INTS9: variants seen among roughly 807,000 people sequenced by gnomAD.
INTS9 encodes the protein protein related to CPSF subunits of 74 kDa.
Under a neutral mutation model 79.7 loss-of-function variants are expected in INTS9, and 55 were observed. That is an observed-to-expected ratio of 0.69 (90% CI 0.56 to 0.86). The LOEUF (loss-of-function observed/expected upper bound fraction) is 0.86, where lower values mean the gene tolerates loss of function less well. Among genes scored for constraint, INTS9 ranks in the 40% least tolerant of loss-of-function variants. The pLI is 0.00. For synonymous variants in INTS9, 319 were observed against 325.2 expected (o/e 0.98, Z 0.20); for missense variants, 721 against 831.5 (o/e 0.87, Z 1.64).
intron 2 of INTS9, among the ~76,000 whole-genome samples, chr8:28,853,566 C>A (rs2131269633): frequency 6.6e-6 from 1 of 151,972 alleles, no homozygotes; most frequent in Non-Finnish European, 1.5e-5. Flanking sequence ...AATTTTTAGT[C>A]AAAAAATGTA....
At chr8:28,788,763 A>G (rs1338525278) in intron 10 of INTS9, among the ~76,000 whole-genome samples, 1 of 152,248 alleles carries the variant, frequency 6.6e-6, no homozygotes, top group East Asian at 1.9e-4. Flanking sequence ...CAACTAGAGA[A>G]GAACAAAGGA....
intron 1 of INTS9, among the ~76,000 whole-genome samples, chr8:28,872,945 C>G (rs922318694): frequency 7.2e-5 from 11 of 151,886 alleles, no homozygotes; most frequent in African/African-American, 2.7e-4. Flanking sequence ...ACCATAATGA[C>G]TGATTATTTG....
At chr8:28,827,182 G>T (rs1481826098) in intron 6 of INTS9, among the ~76,000 whole-genome samples, 1 of 152,202 alleles carries the variant, frequency 6.6e-6, no homozygotes, top group East Asian at 1.9e-4. Context: ...ATTTATCAAA[G>T]TCAAGTTCTC....
At chr8:28,777,677 G>A (rs986034699) in intron 13 of INTS9, 152 bp downstream of exon 13, 9 of 750,398 alleles carry the variant, frequency 1.2e-5, no homozygotes, top group Non-Finnish European at 1.7e-5. Context: ...AGTGTGGAGG[G>A]GGGCTGGCAT....
At chr8:28,878,628 G>GTTT (rs796246272) in intron 1 of INTS9, among the ~76,000 whole-genome samples, 14 of 132,360 alleles carry the variant, frequency 1.1e-4, no homozygotes, top group African/African-American at 3.7e-4. Flanking sequence ...GGCCTTCACT[G>GTTT]TTTTTTTTTT....
intron 8 of INTS9, 103 bp downstream of exon 8, chr8:28,812,224 C>G: frequency 8.4e-7 from 1 of 1,189,708 alleles, no homozygotes; most frequent in East Asian, 2.4e-5. Flanking sequence ...TGTAGAAAAC[C>G]ATATTTGGAA....
rs879665056 is a variant in INTS9, at chr8:28,771,867, C to CT, written c.1564-788dup. On this transcript the variant is annotated intron_variant, in intron 14 of 16. Transcript: ENST00000521022. ...ATTTCCAAGACGACTCTGAAGGAGT[C>CT]TTTTTTTTTTTGAGATGGGGCCTCA... Among the ~76,000 whole-genome samples, 1,424 of 147,016 alleles carry CT rather than the reference C, an allele frequency of 9.7e-3. 18 individuals carry two copies. Among genetic ancestry groups the CT allele is most frequent in the African/African-American group, 0.028 (1,131 of 40,320 alleles).
chr8:28,804,145 A>G (rs933834142), intron 8 of INTS9, among the ~76,000 whole-genome samples: 1 of 152,066 alleles, frequency 6.6e-6, no homozygotes, highest in Non-Finnish European at 1.5e-5. Context: ...GCTGGTCTTG[A>G]ACACTCCTGA....
At chr8:28,808,024 T>TC (rs1457571515) in intron 8 of INTS9, among the ~76,000 whole-genome samples, 1 of 152,194 alleles carries the variant, frequency 6.6e-6, no homozygotes, top group Non-Finnish European at 1.5e-5. Flanking sequence ...GACCTCATGC[T>TC]CAGTAAAGGC....
At chr8:28,792,912 CAAAA>C (rs11404692) in intron 10 of INTS9, among the ~76,000 whole-genome samples, 1 of 132,622 alleles carries the variant, frequency 7.5e-6, no homozygotes, top group African/African-American at 2.9e-5. Flanking sequence ...GACTCCGTCT[CAAAA>C]AAAAAAAAAA....
At chr8:28,840,504 G>GCGGCAC (rs1435667432) in intron 4 of INTS9, among the ~76,000 whole-genome samples, 1 of 132,286 alleles carries the variant, frequency 7.6e-6, no homozygotes, top group Non-Finnish European at 1.6e-5. Context: ...TATGTTTATT[G>GCGGCAC]TGGCACTATT....
At chr8:28,870,664 A>G (rs1809038596) in intron 1 of INTS9, among the ~76,000 whole-genome samples, 1 of 152,202 alleles carries the variant, frequency 6.6e-6, no homozygotes, top group African/African-American at 2.4e-5. Flanking sequence ...AGGTTTAGAA[A>G]AATCTGGACA....
At chr8:28,789,324 A>G (rs1585355988) in intron 10 of INTS9, among the ~76,000 whole-genome samples, 1 of 152,174 alleles carries the variant, frequency 6.6e-6, no homozygotes, top group Non-Finnish European at 1.5e-5. Context: ...AGTTCTGCTA[A>G]CAGATCCTCC....
intron 5 of INTS9, among the ~76,000 whole-genome samples, chr8:28,835,922 C>T (rs762127346): frequency 4.6e-5 from 7 of 152,040 alleles, no homozygotes; most frequent in Non-Finnish European, 7.4e-5. Flanking sequence ...GATTCTCCTG[C>T]CTCAGCCACT....
intron 4 of INTS9, among the ~76,000 whole-genome samples, chr8:28,841,103 G>A (rs942833744): frequency 1.3e-5 from 2 of 152,108 alleles, no homozygotes; most frequent in Non-Finnish European, 2.9e-5. Context: ...ATCGGCCCCC[G>A]AGGACAGGAT....
intron 10 of INTS9, among the ~76,000 whole-genome samples, chr8:28,790,399 C>G (rs911317336): frequency 2.0e-5 from 3 of 152,196 alleles, no homozygotes; most frequent in South Asian, 4.1e-4. Context: ...CACAGTGAAA[C>G]AGAAACACAG....
chr8:28,801,522 A>C lies in INTS9; in HGVS notation c.745-4867T>G, dbSNP rs548205785. Among the ~76,000 whole-genome samples, 12 of 152,018 alleles carry C rather than the reference A, an allele frequency of 7.9e-5. No homozygotes were observed. In the South Asian group the frequency reaches 8.3e-4, roughly 11 times the overall value. ...ACAAACAAACAAAAAAACAAAAAAAACCCAAAAAACAAAAACCTTGATACA... is the reference window on the plus strand; with the variant it reads ...ACAAACAAACAAAAAAACAAAAAAACCCCAAAAAACAAAAACCTTGATACA... On this transcript the variant is annotated intron_variant, in intron 8 of 16. Coordinates refer to ENST00000521022, the MANE Select transcript of INTS9 (RefSeq NM_018250.4).
At chr8:28,774,187 G>C (rs1363715811) in intron 14 of INTS9, among the ~76,000 whole-genome samples, 2 of 152,186 alleles carry the variant, frequency 1.3e-5, no homozygotes, top group Non-Finnish European at 2.9e-5. Context: ...GATTCCAGTA[G>C]GCACACACAC....
rs935189047 is a variant in INTS9, at chr8:28,883,364, G to A, written c.9+6510C>T. On this transcript the variant is annotated intron_variant, in intron 1 of 16. Coordinates refer to ENST00000521022, the MANE Select transcript of INTS9 (RefSeq NM_018250.4). ...CCACGTCTGCAATCACTACTCCAGG[G>A]ACACTTTACTAAACACGGATGAAGT... is the stretch of plus-strand genomic sequence containing the variant. Among the ~76,000 whole-genome samples, 42 of 152,194 alleles carry A rather than the reference G, an allele frequency of 2.8e-4. 1 individual carries two copies.
Sources: gnomAD v4.1 joint callset for allele counts (sites outside exome capture counted in the v4.1 genomes callset) on GRCh38, gnomAD v4.1.1 for gene constraint, MANE v1.5 for transcripts, NCBI Gene and HGNC (gene_info 2026-07-23, HGNC 2026-07-21) for gene names.